Variants in ALK observed in about 807,000 individuals in gnomAD.
ALK encodes ALK receptor tyrosine kinase, also known as ALK tyrosine kinase receptor.
In ALK, 74 loss-of-function variants were observed where a neutral mutation model predicts 163.1. That is an observed-to-expected ratio of 0.45 (90% CI 0.38 to 0.55). The LOEUF (loss-of-function observed/expected upper bound fraction) is 0.55, where lower values mean the gene tolerates loss of function less well. ALK is among the 20% of genes least tolerant of loss of function. The probability of loss-of-function intolerance (pLI) is 0.00; values close to 1 mark genes in which losing one functional copy is unlikely to be tolerated. For synonymous variants in ALK, 960 were observed against 843.2 expected (o/e 1.14, Z -2.40); for missense variants, 2,063 against 2,105.3 (o/e 0.98, Z 0.39).
intron 1 of ALK, among the ~76,000 whole-genome samples, chr2:29,793,712 C>G (rs1018775853): frequency 1.3e-5 from 2 of 152,088 alleles, no homozygotes; most frequent in Non-Finnish European, 2.9e-5. Flanking sequence ...CAGTAACATT[C>G]TAAAAGGAAT....
At chr2:29,521,929 T>C (rs1434690767) in intron 4 of ALK, among the ~76,000 whole-genome samples, 1 of 152,206 alleles carries the variant, frequency 6.6e-6, no homozygotes, top group Non-Finnish European at 1.5e-5. Context: ...GTGCCAGACA[T>C]AAGTCTCAGG....
chr2:29,362,685 A>C (rs1668413299), intron 5 of ALK, among the ~76,000 whole-genome samples: 1 of 152,072 alleles, frequency 6.6e-6, no homozygotes, highest in African/African-American at 2.4e-5. Context: ...ACTGCGTCTC[A>C]TTCACCTCAC....
At chr2:29,855,503 C>A (rs549309607) in intron 1 of ALK, among the ~76,000 whole-genome samples, 1 of 152,236 alleles carries the variant, frequency 6.6e-6, no homozygotes, top group South Asian at 2.1e-4. Context: ...AAGATGAGAA[C>A]CTTGATTAAT....
rs993389632 is a variant in ALK at position 29,251,029 on chromosome 2, A to G, written c.2204+76T>C. 4.0e-6 allele frequency: 6 copies of G among 1,494,304 alleles called. No individual in the cohort carries two copies. In the South Asian group the frequency reaches 7.5e-5, roughly 19 times the overall value. The allele number at this position is 1,494,304 out of a possible 1,614,324, so 92.6% of individuals were successfully genotyped here. A position where few individuals can be genotyped will look rare whatever the true frequency, so the allele number is the denominator to read the frequency against. On this transcript the variant is annotated intron_variant, in intron 12 of 28. Coordinates refer to ENST00000389048, the MANE Select transcript of ALK (RefSeq NM_004304.5). ...TGACATGCCTGGGCACCCCAGGAAC[A>G]TGCACCCATAGGCAAGACTCCAGGC...
chr2:29,303,893 G>A (rs1447749508), intron 8 of ALK, among the ~76,000 whole-genome samples: 1 of 152,186 alleles, frequency 6.6e-6, no homozygotes, highest in East Asian at 1.9e-4. Context: ...AGGTGGGAGA[G>A]TAGGGGGAAA....
intron 12 of ALK, among the ~76,000 whole-genome samples, chr2:29,248,726 A>G (rs941194489): frequency 5.3e-5 from 8 of 152,232 alleles, no homozygotes; most frequent in Non-Finnish European, 1.0e-4. Context: ...ATAATGTGGC[A>G]CTTCATGCAG....
chr2:29,589,902 T>C (rs912185512), intron 3 of ALK, among the ~76,000 whole-genome samples: 1 of 152,186 alleles, frequency 6.6e-6, no homozygotes, highest in African/African-American at 2.4e-5. Flanking sequence ...GAAAGGAAAG[T>C]AAACAGTGAA....
chr2:29,829,168 G>C (rs1260653625), intron 1 of ALK, among the ~76,000 whole-genome samples: 1 of 97,436 alleles, frequency 1.0e-5, no homozygotes, highest in Non-Finnish European at 1.9e-5. Flanking sequence ...CCTGTTGAGG[G>C]GTGGGGGGAG....
chr2:29,857,485 C>T lies in ALK; in HGVS notation c.667+62508G>A, dbSNP rs79881175. ...ATAGTGTAGTCACCCTTGGCTAAGG[C>T]TGAATGTGGCTCTGATCCCATGGGC... On this transcript the variant is annotated intron_variant, in intron 1 of 28. Coordinates refer to ENST00000389048, the MANE Select transcript of ALK (RefSeq NM_004304.5). Among the ~76,000 whole-genome samples, 46 of 152,312 alleles carry T rather than the reference C, an allele frequency of 3.0e-4. No homozygotes were observed. In the East Asian group the frequency reaches 8.3e-3, roughly 27 times the overall value.
At chr2:29,719,947 C>T (rs1679376063) in intron 1 of ALK, among the ~76,000 whole-genome samples, 1 of 152,192 alleles carries the variant, frequency 6.6e-6, no homozygotes, top group African/African-American at 2.4e-5. Flanking sequence ...TTCACTTAGA[C>T]TCTAGGTCTG....
At chr2:29,782,678 C>G (rs933220990) in intron 1 of ALK, among the ~76,000 whole-genome samples, 14 of 152,254 alleles carry the variant, frequency 9.2e-5, no homozygotes, top group East Asian at 1.9e-4. Flanking sequence ...ACCTAATTTC[C>G]CATCAGCCAT....
At chr2:29,909,517 A>C (rs1667644175) in intron 1 of ALK, among the ~76,000 whole-genome samples, 1 of 144,310 alleles carries the variant, frequency 6.9e-6, no homozygotes. Context: ...AGAGAGAGAG[A>C]GAATGCTCCA....
chr2:29,459,564 AT>A (rs200504187), intron 4 of ALK, among the ~76,000 whole-genome samples: 227 of 148,046 alleles, frequency 1.5e-3, no homozygotes, highest in Middle Eastern at 7.0e-3. Context: ...CTAGCTAATG[AT>A]TTTTTTTTTT....
intron 4 of ALK, among the ~76,000 whole-genome samples, chr2:29,523,164 CTCA>C: frequency 6.6e-6 from 1 of 152,270 alleles, no homozygotes; most frequent in South Asian, 2.1e-4. Context: ...GTGGCCACAG[CTCA>C]TCATCTGTGT....
At chr2:29,309,991 G>A (rs1666654373) in intron 8 of ALK, among the ~76,000 whole-genome samples, 1 of 152,214 alleles carries the variant, frequency 6.6e-6, no homozygotes, top group Admixed American at 6.5e-5. Context: ...AAGCTTTGCA[G>A]AGAAGACAAA....
intron 3 of ALK, among the ~76,000 whole-genome samples, chr2:29,660,409 C>T (rs572875536): frequency 1.3e-5 from 2 of 152,294 alleles, no homozygotes; most frequent in African/African-American, 4.8e-5. Context: ...TGAGGTTCAG[C>T]TGCTCCCTCT....
At chr2:29,544,308 G>A (rs1673490921) in intron 3 of ALK, among the ~76,000 whole-genome samples, 1 of 152,188 alleles carries the variant, frequency 6.6e-6, no homozygotes, top group African/African-American at 2.4e-5. Flanking sequence ...AGAAGGCTCT[G>A]TGGGCGAATG....
rs148515468 is a variant in ALK, at chr2:29,402,458, G to A, written c.1155-18599C>T. 9.2e-5 allele frequency among the ~76,000 whole-genome samples: 14 copies of A among 152,292 alleles called. No homozygotes were observed. The East Asian group carries it at 2.1e-3, about 23-fold the overall frequency. ...GACTCTTCACTGGCTGGCTGTGGGC[G>A]AGTCACTCCACTTCTTTCCTTGTGG... On this transcript the variant is annotated intron_variant, in intron 4 of 28. Coordinates refer to ENST00000389048, the MANE Select transcript of ALK (RefSeq NM_004304.5).
chr2:29,859,857 A>G (rs566549281), intron 1 of ALK, among the ~76,000 whole-genome samples: 1 of 152,184 alleles, frequency 6.6e-6, no homozygotes, highest in Non-Finnish European at 1.5e-5. Flanking sequence ...AAGATGTGAA[A>G]ATTTGACATA....
Sources: allele counts gnomAD v4.1 joint callset (sites outside exome capture counted in the v4.1 genomes callset), GRCh38; gene constraint gnomAD v4.1.1; transcripts MANE v1.5; gene names NCBI Gene and HGNC (gene_info 2026-07-23, HGNC 2026-07-21).